NRXN3: variants seen among roughly 807,000 people sequenced by gnomAD.
NRXN3 encodes neurexin III.
A neutral mutation model predicts 137.6 loss-of-function variants in NRXN3; 32 were observed. The observed-to-expected ratio is 0.23, with a 90% CI of 0.18 to 0.31. The LOEUF (loss-of-function observed/expected upper bound fraction) is 0.31, where lower values mean the gene tolerates loss of function less well. Ranked by LOEUF, NRXN3 falls within the 10% of genes least tolerant of loss-of-function variation. NRXN3 has a pLI of 1.00. For synonymous variants in NRXN3, 798 were observed against 784.5 expected, an observed-to-expected ratio of 1.02 and a Z score of -0.29; for missense variants, 1,574 against 2,062.5, an observed-to-expected ratio of 0.76 and a Z score of 4.59.
At chr14:78,551,130 G>A (rs1050978193) in intron 4 of NRXN3, among the ~76,000 whole-genome samples, 1 of 152,176 alleles carries the variant, frequency 6.6e-6, no homozygotes, top group African/African-American at 2.4e-5. Flanking sequence ...CATATGAATA[G>A]CATTTAATGC....
At chr14:79,156,721 A>G (rs1300609632) in intron 15 of NRXN3, among the ~76,000 whole-genome samples, 2 of 151,988 alleles carry the variant, frequency 1.3e-5, no homozygotes, top group East Asian at 1.9e-4. Context: ...CCAGAAGTCT[A>G]CAGAATCCAA....
At chr14:78,215,192 G>C (rs768549961) in intron 1 of NRXN3, among the ~76,000 whole-genome samples, 1 of 152,136 alleles carries the variant, frequency 6.6e-6, no homozygotes, top group South Asian at 2.1e-4. Flanking sequence ...TCCTGTTCCC[G>C]AGCCCACTCT....
intron 15 of NRXN3, among the ~76,000 whole-genome samples, chr14:79,154,541 A>G (rs1055314902): frequency 1.6e-4 from 24 of 151,888 alleles, no homozygotes; most frequent in Admixed American, 5.9e-4. Flanking sequence ...TCCCTGTTTT[A>G]TTATGGTAAG....
intron 1 of NRXN3, among the ~76,000 whole-genome samples, chr14:78,175,731 C>A (rs1437176761): frequency 6.6e-6 from 1 of 152,136 alleles, no homozygotes; most frequent in Non-Finnish European, 1.5e-5. Flanking sequence ...ATGGATGGGG[C>A]CCACTCCCAG....
At chr14:79,832,561 G>C (rs1457090837) in intron 20 of NRXN3, among the ~76,000 whole-genome samples, 1 of 152,174 alleles carries the variant, frequency 6.6e-6, no homozygotes, top group East Asian at 1.9e-4. Context: ...CTGGGAAGAT[G>C]CTAACGGCAT....
intron 19 of NRXN3, among the ~76,000 whole-genome samples, chr14:79,710,596 A>G (rs1231412258): frequency 6.6e-6 from 1 of 152,170 alleles, no homozygotes; most frequent in Non-Finnish European, 1.5e-5. Context: ...TGGTTTCAAA[A>G]ATGCTGTATA....
At chr14:78,506,770 A>G (rs1046660614) in intron 4 of NRXN3, among the ~76,000 whole-genome samples, 1 of 151,062 alleles carries the variant, frequency 6.6e-6, no homozygotes, top group African/African-American at 2.4e-5. Context: ...CCTGGGCTCA[A>G]GTGATTCTCT....
At chr14:78,674,174 G>T (rs910606825) in intron 6 of NRXN3, among the ~76,000 whole-genome samples, 1 of 152,166 alleles carries the variant, frequency 6.6e-6, no homozygotes, top group Non-Finnish European at 1.5e-5. Flanking sequence ...TAGGGCTTTT[G>T]TGTGTCTCTC....
intron 1 of NRXN3, among the ~76,000 whole-genome samples, chr14:78,219,397 G>A (rs145686955): frequency 6.6e-6 from 1 of 152,276 alleles, no homozygotes; most frequent in African/African-American, 2.4e-5. Flanking sequence ...CCACTGTTGA[G>A]AAACCTCATC....
In NRXN3 at chr14:79,659,803, G is replaced by A. The variant is rs185514831; in HGVS notation, c.3445-3975G>A. On this transcript the variant is annotated intron_variant, in intron 16 of 20. Transcript: ENST00000335750. ...GGGTCATACAGCTTTAAGAGCCATC[G>A]CTGTTATTTGAACCATGCTAGGCTA... Among the ~76,000 whole-genome samples the A allele has an allele frequency of 9.9e-5, 15 of 152,234 alleles. No individual in the cohort carries two copies. In the East Asian group the frequency reaches 1.4e-3, roughly 14 times the overall value.
chr14:78,377,626 G>A (rs1468324620), intron 4 of NRXN3, among the ~76,000 whole-genome samples: 1 of 152,194 alleles, frequency 6.6e-6, no homozygotes, highest in Admixed American at 6.5e-5. Context: ...GAAGCTGAAA[G>A]TCCAAGAGAG....
intron 4 of NRXN3, among the ~76,000 whole-genome samples, chr14:78,393,356 G>A (rs1474078263): frequency 3.3e-5 from 5 of 152,046 alleles, no homozygotes; most frequent in Admixed American, 1.3e-4. Context: ...TATTGACGCT[G>A]ATATCATCAA....
chr14:79,093,604 C>T (rs1164792090), intron 15 of NRXN3, among the ~76,000 whole-genome samples: 2 of 152,152 alleles, frequency 1.3e-5, no homozygotes, highest in Non-Finnish European at 2.9e-5. Context: ...TTTCTGCGAG[C>T]GAGCCTACTA....
At chr14:78,810,210 T>A in intron 9 of NRXN3, 108 bp from the exon 10 acceptor site, 4 of 683,698 alleles carry the variant, frequency 5.9e-6, no homozygotes, top group South Asian at 3.4e-5. Context: ...ATGGCCACAT[T>A]TCTTACGTGT....
intron 8 of NRXN3, among the ~76,000 whole-genome samples, chr14:78,717,738 G>T (rs1394383751): frequency 6.6e-6 from 1 of 152,154 alleles, no homozygotes; most frequent in Non-Finnish European, 1.5e-5. Flanking sequence ...GGTTGGAAAT[G>T]CAACAAACAA....
In NRXN3 at chr14:78,601,521, C is replaced by T. The variant is rs1430851551; in HGVS notation, c.758-43599C>T. ...AGGCTGGAGTGCAGTGGCATGATCTCGGCTCACTGCAAGCTCCGTCTCCTG... is the reference window on the plus strand; with the variant it reads ...AGGCTGGAGTGCAGTGGCATGATCTTGGCTCACTGCAAGCTCCGTCTCCTG... On this transcript the variant is annotated intron_variant, in intron 4 of 20. Coordinates refer to ENST00000335750, the MANE Select transcript of NRXN3 (RefSeq NM_001330195.2). 4.0e-5 allele frequency among the ~76,000 whole-genome samples: 6 copies of T among 151,384 alleles called. No individual in the cohort carries two copies. The East Asian group carries it at 5.9e-4, about 15-fold the overall frequency.
chr14:79,710,830 A>G (rs2098800971), intron 19 of NRXN3, among the ~76,000 whole-genome samples: 1 of 152,152 alleles, frequency 6.6e-6, no homozygotes, highest in Non-Finnish European at 1.5e-5. Flanking sequence ...TGGGTGTCTC[A>G]TAAGTGCAAG....
At chr14:79,435,334 C>T (rs1373779827) in intron 15 of NRXN3, among the ~76,000 whole-genome samples, 1 of 150,068 alleles carries the variant, frequency 6.7e-6, no homozygotes, top group African/African-American at 2.5e-5. Context: ...TTCATTGAGG[C>T]CTGGGATGAG....
intron 15 of NRXN3, among the ~76,000 whole-genome samples, chr14:79,253,854 T>G (rs1351053456): frequency 1.3e-5 from 2 of 152,176 alleles, no homozygotes; most frequent in Non-Finnish European, 2.9e-5. Context: ...AGATGAGATT[T>G]GGGTGGGAAC....
Sources: allele counts gnomAD v4.1 joint callset (sites outside exome capture counted in the v4.1 genomes callset), GRCh38; gene constraint gnomAD v4.1.1; transcripts MANE v1.5; gene names NCBI Gene and HGNC (gene_info 2026-07-23, HGNC 2026-07-21).